Variants in CFAP95 observed in about 807,000 individuals in gnomAD.
CFAP95 encodes the protein cilia and flagella associated protein 95.
chr9:69,821,207 A>G, the CFAP95 span, among the ~76,000 whole-genome samples: 2 of 151,920 alleles, frequency 1.3e-5, no homozygotes, highest in Admixed American at 6.6e-5. Context: ...AGGAAATGAG[A>G]AGAAAGGTGA....
the CFAP95 span, among the ~76,000 whole-genome samples, chr9:69,832,620 A>AGTTTTTTTTTTTTTTTT: frequency 8.8e-5 from 1 of 11,344 alleles, no homozygotes; most frequent in Non-Finnish European, 1.3e-4. Context: ...GTCTATTCGG[A>AGTTTTTTTTTTTTTTTT]TTTTTTTTTT....
At chr9:69,837,582 G>GT in the CFAP95 span, among the ~76,000 whole-genome samples, 6 of 152,000 alleles carry the variant, frequency 3.9e-5, no homozygotes, top group Non-Finnish European at 8.8e-5. Context: ...GGGGTTGTTT[G>GT]TTTTTTTCTT....
the CFAP95 span, chr9:69,885,252 C>T: frequency 6.6e-6 from 1 of 152,190 alleles, no homozygotes. Context: ...TTTCAGTATG[C>T]AATACTCAGA....
At chr9:69,840,494 T>G in the CFAP95 span, among the ~76,000 whole-genome samples, 1 of 152,156 alleles carries the variant, frequency 6.6e-6, no homozygotes, top group Non-Finnish European at 1.5e-5. Flanking sequence ...TTCATTTAGT[T>G]CCTCAGTTTA....
the CFAP95 span, among the ~76,000 whole-genome samples, chr9:69,875,195 G>T: frequency 6.6e-6 from 1 of 151,898 alleles, no homozygotes; most frequent in African/African-American, 2.4e-5. Context: ...AAAATTGATT[G>T]TTGCCCTGTT....
chr9:69,868,259 T>C, the CFAP95 span, among the ~76,000 whole-genome samples: 1 of 120,522 alleles, frequency 8.3e-6, no homozygotes, highest in African/African-American at 2.9e-5. Context: ...TTGACATTGG[T>C]CTTGGAAATG....
At chr9:69,899,345 A>G in the CFAP95 span, among the ~76,000 whole-genome samples, 1 of 152,248 alleles carries the variant, frequency 6.6e-6, no homozygotes, top group Non-Finnish European at 1.5e-5. Flanking sequence ...GAGGAAATTT[A>G]TCTAACTGAT....
At chr9:69,844,550 T>C in the CFAP95 span, 3 of 1,609,648 alleles carry the variant, frequency 1.9e-6, no homozygotes, top group Middle Eastern at 1.7e-4. Flanking sequence ...CCAAAGGTTA[T>C]GATATAGAGG....
the CFAP95 span, among the ~76,000 whole-genome samples, chr9:69,855,984 G>A: frequency 6.6e-6 from 1 of 152,130 alleles, no homozygotes; most frequent in Non-Finnish European, 1.5e-5. Flanking sequence ...ATCTTCTAGA[G>A]TTTTGTATGG....
chr9:69,857,844 A>G, the CFAP95 span: 11 of 1,493,202 alleles, frequency 7.4e-6, no homozygotes, highest in South Asian at 1.2e-5. Context: ...TTAGTTTTAC[A>G]TGGCTTTGAA....
chr9:69,859,243 C>G, the CFAP95 span, among the ~76,000 whole-genome samples: 1 of 152,060 alleles, frequency 6.6e-6, no homozygotes, highest in Non-Finnish European at 1.5e-5. Context: ...TCTTTTCTCA[C>G]CTTTTCTTTT....
chr9:69,899,095 C>T, the CFAP95 span, among the ~76,000 whole-genome samples: 1 of 152,224 alleles, frequency 6.6e-6, no homozygotes, highest in Non-Finnish European at 1.5e-5. Flanking sequence ...CTTCTGGTTA[C>T]ACTCATCTAC....
the CFAP95 span, among the ~76,000 whole-genome samples, chr9:69,868,823 G>C: frequency 6.9e-6 from 1 of 145,936 alleles, no homozygotes; most frequent in African/African-American, 2.5e-5. Flanking sequence ...AAAAAAGCCT[G>C]ATAAAATGAG....
the CFAP95 span, among the ~76,000 whole-genome samples, chr9:69,897,353 A>G: frequency 2.0e-5 from 3 of 152,324 alleles, no homozygotes; most frequent in South Asian, 6.2e-4. Flanking sequence ...TGGTGGACGC[A>G]AGGTTAGTTT....
the CFAP95 span, among the ~76,000 whole-genome samples, chr9:69,851,727 G>A: frequency 6.6e-6 from 1 of 152,102 alleles, no homozygotes; most frequent in African/African-American, 2.4e-5. Context: ...CGTAAGCCAG[G>A]TGTGGTGGTG....
the CFAP95 span, among the ~76,000 whole-genome samples, chr9:69,841,167 TATATATATA>T: frequency 4.3e-5 from 4 of 92,458 alleles, no homozygotes; most frequent in Middle Eastern, 4.7e-3. Context: ...AGCTGGATTA[TATATATATA>T]TATATATATA....
the CFAP95 span, among the ~76,000 whole-genome samples, chr9:69,868,459 A>T: frequency 6.6e-6 from 1 of 152,164 alleles, no homozygotes; most frequent in South Asian, 2.1e-4. Flanking sequence ...AGAGTATGAG[A>T]TCAGCCTGGC....
At chr9:69,860,751 AC>A in the CFAP95 span, among the ~76,000 whole-genome samples, 3 of 151,918 alleles carry the variant, frequency 2.0e-5, no homozygotes, top group Non-Finnish European at 2.9e-5. Context: ...TACTTTTAAA[AC>A]TTTTTTCTTA....
the CFAP95 span, among the ~76,000 whole-genome samples, chr9:69,873,501 C>T: frequency 0.22 from 33,560 of 152,018 alleles, 4,406 homozygotes; most frequent in Non-Finnish European, 0.28. Flanking sequence ...TTGTAGATTG[C>T]GGCCTCACCT....
Sources: allele counts gnomAD v4.1 joint callset (sites outside exome capture counted in the v4.1 genomes callset), GRCh38; gene constraint gnomAD v4.1.1; transcripts MANE v1.5; gene names NCBI Gene and HGNC (gene_info 2026-07-23, HGNC 2026-07-21).